The following USH1C variants were observed in gnomAD, a reference collection of about 807,000 sequenced individuals.
USH1C encodes the protein harmonin.
A neutral mutation model predicts 119.3 loss-of-function variants in USH1C; 90 were observed. That is an observed-to-expected ratio of 0.75 (90% CI 0.64 to 0.90). The LOEUF is 0.90. Ranked by LOEUF, USH1C falls within the 40% of genes least tolerant of loss-of-function variation. The pLI is 0.00. For missense variants in USH1C, 1,165 were observed against 1,167.7 expected (o/e 1.00, Z 0.03); for synonymous variants, 465 against 443.3 (o/e 1.05, Z -0.62).
At chr11:17,541,001 A>G (rs571501099) in intron 1 of USH1C, among the ~76,000 whole-genome samples, 1 of 152,220 alleles carries the variant, frequency 6.6e-6, no homozygotes, top group Non-Finnish European at 1.5e-5. Context: ...ACACTGTCCT[A>G]CTTGCTGTTC....
chr11:17,520,250 C>T (rs926660965), intron 14 of USH1C, among the ~76,000 whole-genome samples: 1 of 152,062 alleles, frequency 6.6e-6, no homozygotes, highest in South Asian at 2.1e-4. Context: ...GGATGTGGGA[C>T]GGATGAAGAG....
In USH1C at chr11:17,527,243, G is replaced by C. The variant is rs1450155718; in HGVS notation, c.476C>G (p.Thr159Ser). The C allele has an allele frequency of 2.5e-6, 4 of 1,608,464 alleles. No homozygotes were observed. The highest frequency in any genetic ancestry group is 3.4e-6 in the Non-Finnish European group (4 of 1,177,410). The change falls in exon 5 of 27, where the codon ACT (threonine) becomes AGT (serine). Residue 159 changes from threonine (T) to serine (S), a missense_variant. Thr to Ser is a moderately conservative substitution (Grantham distance 58). Transcript: ENST00000005226. ...CTCACGTCTCACTTTGATGGACACA[G>C]TTTTCTTGGTTCGAATGAGGTTGAT... ...EVINLIRTKKTVSIKVRHIGL... is the reference protein window; with the variant it reads ...EVINLIRTKKSVSIKVRHIGL...
chr11:17,500,285 T>TAAAGCAAAATGACC (rs1849386759), intron 23 of USH1C, among the ~76,000 whole-genome samples: 1 of 152,204 alleles, frequency 6.6e-6, no homozygotes, highest in African/African-American at 2.4e-5. Flanking sequence ...TGCCGGACAG[T>TAAAGCAAAATGACC]AAAGCAAAAT....
intron 14 of USH1C, among the ~76,000 whole-genome samples, chr11:17,517,769 GA>G (rs1850222333): frequency 6.6e-6 from 1 of 152,230 alleles, no homozygotes; most frequent in South Asian, 2.1e-4. Context: ...GTATTGGGCT[GA>G]AGGCTGGGAA....
chr11:17,530,968 G>C (rs1362812013), intron 4 of USH1C, among the ~76,000 whole-genome samples, 186 bp downstream of exon 4: 2 of 152,218 alleles, frequency 1.3e-5, no homozygotes, highest in Non-Finnish European at 1.5e-5. Context: ...CAAGAAAACA[G>C]GCAATTGCCT....
intron 1 of USH1C, 93 bp downstream of exon 1, chr11:17,544,179 A>G (rs1851598791): frequency 2.6e-6 from 4 of 1,551,738 alleles, no homozygotes; most frequent in Non-Finnish European, 3.6e-6. Context: ...GTGGGGCCGG[A>G]AAAGGGAGGG....
At chr11:17,496,842 G>A in intron 24 of USH1C, 29 bp from the exon 25 acceptor site, 2 of 1,613,334 alleles carry the variant, frequency 1.2e-6, no homozygotes, top group Non-Finnish European at 1.7e-6. Context: ...TGACTCTGGG[G>A]CACACTCAGT....
intron 9 of USH1C, among the ~76,000 whole-genome samples, chr11:17,523,713 A>G (rs1592005728): frequency 6.6e-6 from 1 of 152,186 alleles, no homozygotes; most frequent in South Asian, 2.1e-4. Flanking sequence ...CAAATATTAT[A>G]CCATTACATG....
Position 17,531,187 on chromosome 11 carries a change from G to A in USH1C, c.354C>T (p.Ile118=). The part of the protein sequence containing the change: ...FGCGLFISHL[I]KGGQADSVGL... Reference sequence around the variant, plus strand: ...CGACGCTGTCTGCCTGACCGCCTTTGATGAGGTGGGAGATGAAGAGCCCAC... The same window carrying A: ...CGACGCTGTCTGCCTGACCGCCTTTAATGAGGTGGGAGATGAAGAGCCCAC... The change falls in exon 4 of 27, where the codon ATC becomes ATT. Residue 118 remains isoleucine (I), a synonymous_variant. Coordinates refer to ENST00000005226, the MANE Select transcript of USH1C (RefSeq NM_153676.4). The surrounding 1 kb of genome is among the most constrained non-coding windows in gnomAD (Gnocchi z 4.2). 1 of 1,614,024 alleles carries A rather than the reference G, an allele frequency of 6.2e-7. No homozygotes were observed. The highest frequency in any genetic ancestry group is 1.3e-5 in the African/African-American group (1 of 75,042).
At chr11:17,521,690 A>G (rs370353490) in intron 12 of USH1C, among the ~76,000 whole-genome samples, 2 of 152,332 alleles carry the variant, frequency 1.3e-5, no homozygotes, top group African/African-American at 4.8e-5. Flanking sequence ...TCCTCCAAAC[A>G]CTTAGGTAAG....
chr11:17,519,393 G>A (rs1347347772), intron 14 of USH1C, among the ~76,000 whole-genome samples: 1 of 152,188 alleles, frequency 6.6e-6, no homozygotes, highest in African/African-American at 2.4e-5. Context: ...AAAATTCTTG[G>A]TCTTTTTATT....
At chr11:17,516,499 A>C in intron 14 of USH1C, 1 of 602,760 alleles carries the variant, frequency 1.7e-6, no homozygotes, top group Non-Finnish European at 3.0e-6. Flanking sequence ...CCACCGAGAA[A>C]AGCCCCGGTT....
At chr11:17,513,341 C>T (rs187237383) in intron 15 of USH1C, among the ~76,000 whole-genome samples, 7 of 151,872 alleles carry the variant, frequency 4.6e-5, no homozygotes, top group African/African-American at 1.5e-4. Flanking sequence ...AGCTCACCCC[C>T]GCCCCCAACA....
At chr11:17,501,916 A>G (rs768114634) in intron 21 of USH1C, 23 bp downstream of exon 21, 8 of 1,612,498 alleles carry the variant, frequency 5.0e-6, no homozygotes, top group Non-Finnish European at 6.8e-6. Flanking sequence ...TTACTTGTCC[A>G]GGAGAGAAGC....
intron 14 of USH1C, 117 bp downstream of exon 14, chr11:17,520,753 A>G: frequency 3.9e-6 from 5 of 1,289,062 alleles, no homozygotes; most frequent in Non-Finnish European, 4.5e-6. Flanking sequence ...CCCTCCATGA[A>G]GGAACCACAG....
intron 8 of USH1C, 58 bp from the exon 9 acceptor site, chr11:17,524,593 G>C (rs1850575391): frequency 1.3e-6 from 2 of 1,539,316 alleles, no homozygotes; most frequent in African/African-American, 1.4e-5. Context: ...CAGTGCTCAG[G>C]ATACAGGTCA....
intron 16 of USH1C, among the ~76,000 whole-genome samples, chr11:17,510,764 T>G (rs1001763575): frequency 2.6e-5 from 4 of 152,086 alleles, no homozygotes; most frequent in Non-Finnish European, 5.9e-5. Context: ...AAAAGGGGCT[T>G]ATGTATTGTG....
Position 17,531,656 on chromosome 11 carries a change from G to T in USH1C, c.105-114C>A. ...TGGGCCCAGGCTTAGGAATGGAGTA[G>T]ACCACTCCTGAAAAGCCCAGAGCTC... On this transcript the variant is annotated intron_variant, in intron 2 of 26. Transcript: ENST00000005226. This position sits in a 1 kb window ranked among gnomAD's most constrained non-coding sequence, Gnocchi z 4.2. The T allele has an allele frequency of 7.3e-7, 1 of 1,378,174 alleles. No individual in the cohort carries two copies. 85.4% of individuals were successfully genotyped at this position (1,378,174 alleles called of 1,614,324 possible).
chr11:17,499,995 C>T (rs1849377095), intron 23 of USH1C, among the ~76,000 whole-genome samples: 1 of 152,216 alleles, frequency 6.6e-6, no homozygotes, highest in South Asian at 2.1e-4. Flanking sequence ...CCTACATCTC[C>T]ACAAAGGGCC....
Sources: allele counts gnomAD v4.1 joint callset (sites outside exome capture counted in the v4.1 genomes callset), GRCh38; gene constraint gnomAD v4.1.1; non-coding constraint Gnocchi (gnomAD v3.1); transcripts MANE v1.5; gene names NCBI Gene and HGNC (gene_info 2026-07-23, HGNC 2026-07-21).